THSD7A: variants seen among roughly 807,000 people sequenced by gnomAD.
The protein encoded by THSD7A is thrombospondin type-1 domain-containing protein 7A.
Under a neutral mutation model 231.3 loss-of-function variants are expected in THSD7A, and 96 were observed. The ratio of observed to expected loss-of-function variants is 0.41; its 90% CI spans 0.35 to 0.49. The LOEUF is 0.49. THSD7A is among the 20% of genes least tolerant of loss of function. The probability of loss-of-function intolerance (pLI) is 0.05; values close to 1 mark genes in which losing one functional copy is unlikely to be tolerated. For missense variants in THSD7A, 2,290 were observed against 2,070.2 expected (o/e 1.11, Z -2.06); for synonymous variants, 940 against 743.3 (o/e 1.26, Z -4.30).
At chr7:11,458,688 G>A (rs990431107) in intron 11 of THSD7A, among the ~76,000 whole-genome samples, 1 of 152,118 alleles carries the variant, frequency 6.6e-6, no homozygotes, top group Non-Finnish European at 1.5e-5. Context: ...AGATGCTAAA[G>A]ACCCTTTTAT....
At chr7:11,595,829 C>T (rs535795134) in intron 2 of THSD7A, among the ~76,000 whole-genome samples, 145 of 152,296 alleles carry the variant, frequency 9.5e-4, no homozygotes, top group African/African-American at 3.2e-3. Context: ...GGCCAAGTGG[C>T]GGCACTCAAC....
chr7:11,790,495 T>A (rs1783919625), intron 1 of THSD7A, among the ~76,000 whole-genome samples: 1 of 151,830 alleles, frequency 6.6e-6, no homozygotes, highest in Non-Finnish European at 1.5e-5. Flanking sequence ...AGGATTCATG[T>A]CTATAAAGTA....
At chr7:11,431,474 T>A (rs951809121) in intron 13 of THSD7A, among the ~76,000 whole-genome samples, 6 of 152,198 alleles carry the variant, frequency 3.9e-5, no homozygotes, top group Admixed American at 6.5e-5. Context: ...CTAATTGTTG[T>A]GGCACCCTTG....
At chr7:11,654,809 T>C (rs1244806622) in intron 1 of THSD7A, among the ~76,000 whole-genome samples, 1 of 151,944 alleles carries the variant, frequency 6.6e-6, no homozygotes, top group Non-Finnish European at 1.5e-5. Flanking sequence ...TTTTAAAATA[T>C]AACATATATC....
intron 4 of THSD7A, among the ~76,000 whole-genome samples, chr7:11,587,224 C>G (rs780190876): frequency 3.3e-5 from 5 of 152,216 alleles, no homozygotes; most frequent in Non-Finnish European, 7.3e-5. Flanking sequence ...TCCCCACAGG[C>G]AAGGCCTCTT....
chr7:11,581,326 G>C (rs1791153113), intron 4 of THSD7A, among the ~76,000 whole-genome samples: 2 of 151,888 alleles, frequency 1.3e-5, no homozygotes, highest in African/African-American at 4.8e-5. Flanking sequence ...AAATATTCCT[G>C]TGTCACAAGA....
chr7:11,789,783 A>G (rs1310348532), intron 1 of THSD7A, among the ~76,000 whole-genome samples: 1 of 151,960 alleles, frequency 6.6e-6, no homozygotes, highest in Non-Finnish European at 1.5e-5. Flanking sequence ...GGCTCTCTTG[A>G]TGCTCCTTTA....
chr7:11,408,919 T>G (rs1240418626), intron 19 of THSD7A, among the ~76,000 whole-genome samples: 1 of 152,190 alleles, frequency 6.6e-6, no homozygotes, highest in Non-Finnish European at 1.5e-5. Flanking sequence ...TGAGGTGATA[T>G]GATAAAAATA....
intron 13 of THSD7A, among the ~76,000 whole-genome samples, chr7:11,440,624 T>C (rs1426614249): frequency 6.6e-6 from 1 of 151,958 alleles, no homozygotes. Flanking sequence ...GAGAAAGTAA[T>C]TGCAGATGTG....
chr7:11,541,148 T>C (rs565926281), intron 6 of THSD7A, among the ~76,000 whole-genome samples: 1 of 152,334 alleles, frequency 6.6e-6, no homozygotes, highest in South Asian at 2.1e-4. Flanking sequence ...ATTGCCCTAA[T>C]GATAATTCAA....
intron 2 of THSD7A, among the ~76,000 whole-genome samples, chr7:11,625,416 G>C (rs1781444426): frequency 6.6e-6 from 1 of 151,988 alleles, no homozygotes; most frequent in Admixed American, 6.6e-5. Flanking sequence ...TACTATACTG[G>C]TAAATACTAC....
chr7:11,398,603 AG>A (rs1213904794), intron 23 of THSD7A, among the ~76,000 whole-genome samples: 1 of 152,224 alleles, frequency 6.6e-6, no homozygotes, highest in Non-Finnish European at 1.5e-5. Flanking sequence ...ATAAAAAAAA[AG>A]ATTTCACGTA....
At chr7:11,480,771 G>T (rs1254210655) in intron 7 of THSD7A, among the ~76,000 whole-genome samples, 2 of 151,924 alleles carry the variant, frequency 1.3e-5, no homozygotes, top group Non-Finnish European at 2.9e-5. Flanking sequence ...ATTTGACTAG[G>T]AACACTATGT....
At chr7:11,484,827 G>T (rs939622740) in intron 6 of THSD7A, among the ~76,000 whole-genome samples, 49 of 139,354 alleles carry the variant, frequency 3.5e-4, no homozygotes, top group Non-Finnish European at 6.5e-4. Flanking sequence ...CCTGGAGTTT[G>T]CTGGAAATGC....
intron 9 of THSD7A, among the ~76,000 whole-genome samples, chr7:11,466,889 A>C (rs959624197): frequency 6.6e-6 from 1 of 151,894 alleles, no homozygotes. Flanking sequence ...CAAGAGACCA[A>C]CCCAACTAAA....
chr7:11,485,365 T>C (rs1256096583), intron 6 of THSD7A, among the ~76,000 whole-genome samples: 1 of 152,194 alleles, frequency 6.6e-6, no homozygotes, highest in Non-Finnish European at 1.5e-5. Flanking sequence ...TAGCATTTGC[T>C]TCTCTGTGGA....
intron 1 of THSD7A, among the ~76,000 whole-genome samples, chr7:11,798,220 C>T (rs111958698): frequency 0.016 from 2,376 of 151,784 alleles, 64 homozygotes; most frequent in African/African-American, 0.053. Context: ...GAAATAAATA[C>T]GCAATTTGGG....
rs76406526 is a variant in THSD7A, at chr7:11,466,637, T to C, written c.2368+3242A>G. Among the ~76,000 whole-genome samples, 4 of 152,244 alleles carry C rather than the reference T, an allele frequency of 2.6e-5. No homozygotes were observed. The East Asian group carries it at 7.7e-4, about 29-fold the overall frequency. On this transcript the variant is annotated intron_variant, in intron 9 of 27. Coordinates refer to ENST00000423059, the MANE Select transcript of THSD7A (RefSeq NM_015204.3). ...TAGGGTTTCTGAAAACCTTTTGTTC[T>C]AGGAGAAACAACATGAGCTGCCAAA...
At chr7:11,581,996 G>T (rs1791186205) in intron 4 of THSD7A, among the ~76,000 whole-genome samples, 1 of 151,958 alleles carries the variant, frequency 6.6e-6, no homozygotes, top group Non-Finnish European at 1.5e-5. Context: ...TTGTAATACA[G>T]CTGATTTGTC....
Sources: allele counts gnomAD v4.1 joint callset (sites outside exome capture counted in the v4.1 genomes callset), GRCh38; gene constraint gnomAD v4.1.1; transcripts MANE v1.5; gene names NCBI Gene and HGNC (gene_info 2026-07-23, HGNC 2026-07-21).